Variants in EIF2D observed in about 807,000 individuals in gnomAD.
EIF2D encodes the protein hepatocellular carcinoma-associated antigen 56.
Under a neutral mutation model 77.4 loss-of-function variants are expected in EIF2D, and 56 were observed. The observed-to-expected ratio is 0.72, with a 90% CI of 0.58 to 0.90. EIF2D has a LOEUF of 0.90. Ranked by LOEUF, EIF2D falls within the 40% of genes least tolerant of loss-of-function variation. The pLI, the probability that EIF2D is intolerant of heterozygous loss-of-function variation, is 0.00. For synonymous variants in EIF2D, 230 were observed against 271.0 expected (o/e 0.85, Z 1.49); for missense variants, 574 against 706.5 (o/e 0.81, Z 2.13).
chr1:206,574,853 C>CTTTTTT (rs71570015), intron 4 of EIF2D, among the ~76,000 whole-genome samples: 19 of 86,106 alleles, frequency 2.2e-4, no homozygotes, highest in Middle Eastern at 7.7e-3. Flanking sequence ...GGACCAATGA[C>CTTTTTT]TTTTTTTTTT....
At chr1:206,573,650 G>A (rs1474570582) in intron 4 of EIF2D, among the ~76,000 whole-genome samples, 1 of 152,234 alleles carries the variant, frequency 6.6e-6, no homozygotes, top group Non-Finnish European at 1.5e-5. Flanking sequence ...AGCAGTGGAT[G>A]TAAGTCATTA....
At position 206,576,685 on chromosome 1, in the gene EIF2D, T is replaced by C. The variant is rs529969778; in HGVS notation, c.*255-3986A>G. Among the ~76,000 whole-genome samples, 14 of 152,204 alleles carry C rather than the reference T, an allele frequency of 9.2e-5. No individual in the cohort carries two copies. In the South Asian group the frequency reaches 2.7e-3, roughly 29 times the overall value. On this transcript the variant is annotated intron_variant and NMD_transcript_variant, in intron 4 of 5. Transcript: ENST00000472709. Reference sequence around the variant, plus strand: ...GAGAGATGGCTATAGACTGGAGAAATTGCATTGGGAAACTACATAGAGAAG... The same window carrying C: ...GAGAGATGGCTATAGACTGGAGAAACTGCATTGGGAAACTACATAGAGAAG...
chr1:206,583,510 C>A (rs904346612), intron 2 of EIF2D: 2 of 667,080 alleles, frequency 3.0e-6, no homozygotes, highest in African/African-American at 1.8e-5. Context: ...CCTCCAGAGG[C>A]CTCCGGGGTC....
chr1:206,570,890 G>A (rs559115601), downstream of EIF2D, among the ~76,000 whole-genome samples: 1 of 152,196 alleles, frequency 6.6e-6, no homozygotes, highest in East Asian at 1.9e-4. Context: ...GCAAACCTGG[G>A]TGTTCAAATA....
chr1:206,584,386 G>C lies in EIF2D; in HGVS notation c.139-3224C>G. 1 of 1,608,790 alleles carries C rather than the reference G, an allele frequency of 6.2e-7. No individual in the cohort carries two copies. Among genetic ancestry groups the C allele is most frequent in the Non-Finnish European group, 8.5e-7 (1 of 1,176,610 alleles). ...CCCCTGTGACATGCCCCCGCTGGCA[G>C]AGTGAAGACGGCACCTACACGGGTT... On this transcript the variant is annotated intron_variant and NMD_transcript_variant, in intron 2 of 5. Coordinates refer to the EIF2D transcript ENST00000472709. The surrounding 1 kb of genome is among the most constrained non-coding windows in gnomAD (Gnocchi z 4.9).
chr1:206,606,049 G>T (rs1347044332), intron 4 of EIF2D, among the ~76,000 whole-genome samples: 1 of 152,120 alleles, frequency 6.6e-6, no homozygotes, highest in East Asian at 1.9e-4. Flanking sequence ...TCTAAGAACT[G>T]GATGTTTCCA....
chr1:206,599,947 G>A lies in EIF2D; in HGVS notation c.949-111C>T, dbSNP rs1669839643. On this transcript the variant is annotated intron_variant, in intron 8 of 14. Coordinates refer to ENST00000271764, the MANE Select transcript of EIF2D (RefSeq NM_006893.3). This position sits in a 1 kb window ranked among gnomAD's most constrained non-coding sequence, Gnocchi z 4.1. ...AGGGACTGTGCAGGGATATGAGACA[G>A]CCCCTGCCTTCATCAACCAGGAACT... 1.9e-6 allele frequency: 2 copies of A among 1,036,016 alleles called. No homozygotes were observed. Among genetic ancestry groups the A allele is most frequent in the South Asian group, 3.0e-5 (2 of 65,668 alleles). The allele number at this position is 1,036,016 out of a possible 1,614,324, so 64.2% of individuals were successfully genotyped here.
At chr1:206,608,790 G>T (rs1553413227) in intron 3 of EIF2D, among the ~76,000 whole-genome samples, 1 of 152,226 alleles carries the variant, frequency 6.6e-6, no homozygotes, top group East Asian at 1.9e-4. Context: ...GGTGGCTCAC[G>T]CCTGTAATCC....
chr1:206,607,405 G>C (rs551130085), intron 4 of EIF2D, among the ~76,000 whole-genome samples: 1 of 152,260 alleles, frequency 6.6e-6, no homozygotes, highest in Admixed American at 6.5e-5. Context: ...AAAGATTGTG[G>C]GGTAAGGGAG....
At position 206,592,507 on chromosome 1, in the gene EIF2D, G is replaced by C. The variant is rs1458520608; in HGVS notation, c.1685-662C>G. ...GGGGATAGCCCAGGCGGAAGCACAT[G>C]TGGGTGAACATGCAAGGAGAATCTG... On this transcript the variant is annotated intron_variant, in intron 14 of 14. Transcript: ENST00000271764. This position sits in a 1 kb window ranked among gnomAD's most constrained non-coding sequence, Gnocchi z 4.7. Among the ~76,000 whole-genome samples, 1 of 152,214 alleles carries C rather than the reference G, an allele frequency of 6.6e-6. No homozygotes were observed. The highest frequency in any genetic ancestry group is 1.5e-5 in the Non-Finnish European group (1 of 68,030).
chr1:206,584,947 T>C lies in EIF2D; in HGVS notation c.139-3785A>G. The C allele has an allele frequency of 1.6e-6, 1 of 606,120 alleles. No individual in the cohort carries two copies. The highest frequency in any genetic ancestry group is 2.7e-5 in the East Asian group (1 of 36,476). The allele number at this position is 606,120 out of a possible 1,614,324, so 37.5% of individuals were successfully genotyped here. A position where few individuals can be genotyped will look rare whatever the true frequency, so the allele number is the denominator to read the frequency against. On this transcript the variant is annotated intron_variant and NMD_transcript_variant, in intron 2 of 5. Coordinates refer to the EIF2D transcript ENST00000472709. This position sits in a 1 kb window ranked among gnomAD's most constrained non-coding sequence, Gnocchi z 4.9. ...GCAATGGGAGGAATCTGCCCCACCA[T>C]TCCTAATCTTTCAGGAGATGATGTG...
chr1:206,582,207 C>T (rs1264811267), intron 2 of EIF2D, among the ~76,000 whole-genome samples: 3 of 152,150 alleles, frequency 2.0e-5, no homozygotes, highest in Admixed American at 1.3e-4. Flanking sequence ...ACAGTGGCTT[C>T]GACCCCAGAA....
At position 206,612,317 on chromosome 1, in the gene EIF2D, T is replaced by C. The variant is rs781828539; in HGVS notation, c.26A>G (p.Lys9Arg). ...CGACCCCTTGATGGCCGTGTTGGAC[T>C]TGACCCGAAAGGCCTTGGCAAACAT... Reference protein sequence around the residue: MFAKAFRVKSNTAIKGSDR... With the variant: MFAKAFRVRSNTAIKGSDR... The change falls in exon 1 of 15, where the codon AAG (lysine) becomes AGG (arginine). Residue 9 changes from lysine to arginine, a missense_variant. Coordinates refer to ENST00000271764, the MANE Select transcript of EIF2D (RefSeq NM_006893.3). The C allele has an allele frequency of 6.2e-7, 1 of 1,614,258 alleles. No homozygotes were observed.
Position 206,597,143 on chromosome 1 carries a change from GT to G in EIF2D, c.1344del (p.Glu448AspfsTer6). 1 of 1,614,074 alleles carries G rather than the reference GT, an allele frequency of 6.2e-7. No homozygotes were observed. Among genetic ancestry groups the G allele is most frequent in the Non-Finnish European group, 8.5e-7 (1 of 1,179,978 alleles). On this transcript the variant is annotated frameshift_variant, in exon 12 of 15. Transcript: ENST00000271764. LOFTEE classifies it high-confidence loss of function. ...CATGGAAGCTTCATGACTGTATGCT[GT>G]TCATTTTTCTCTAAGATGCAGTCAC... ...ILCDCILEKN[E>X]QHTVMKLPWD...
In EIF2D at chr1:206,605,450, G is replaced by A. The variant is rs145475186; in HGVS notation, c.480C>T (p.Gly160=). 1.6e-4 allele frequency: 260 copies of A among 1,614,086 alleles called. No individual in the cohort carries two copies. The African/African-American group carries it at 3.1e-3, about 19-fold the overall frequency. The change falls in exon 5 of 15, where the codon GGC becomes GGT. Residue 160 remains glycine, a synonymous_variant. Transcript: ENST00000271764. ...GCACAGAGAAGCCCCTTCCCTTCAG[G>A]CCTGACGTGAGCATCTCAGCTGTGG... The part of the protein sequence containing the change: ...AMSTAEMLTS[G]LKGRGFSVLH...
intron 4 of EIF2D, among the ~76,000 whole-genome samples, chr1:206,578,707 C>T (rs1189363766): frequency 4.6e-5 from 7 of 152,184 alleles, no homozygotes; most frequent in Non-Finnish European, 1.0e-4. Flanking sequence ...ACGTCCTCCT[C>T]AGCCCACCCT....
At chr1:206,597,005 CA>C in intron 12 of EIF2D, 94 bp downstream of exon 12, 1 of 923,330 alleles carries the variant, frequency 1.1e-6, no homozygotes, top group Non-Finnish European at 1.7e-6. Context: ...GAAAGAAAAT[CA>C]AAGGCTAAGA....
At chr1:206,608,406 C>G in intron 3 of EIF2D, 80 bp from the exon 4 acceptor site, 1 of 1,191,982 alleles carries the variant, frequency 8.4e-7, no homozygotes, top group East Asian at 2.7e-5. Context: ...TCCTCACTCG[C>G]TCAACAAAAA....
intron 4 of EIF2D, among the ~76,000 whole-genome samples, chr1:206,606,397 A>T (rs1670204170): frequency 6.6e-6 from 1 of 152,206 alleles, no homozygotes; most frequent in South Asian, 2.1e-4. Flanking sequence ...ATGGCTTGAG[A>T]ACTCCAGTCT....
Sources: allele counts gnomAD v4.1 joint callset (sites outside exome capture counted in the v4.1 genomes callset), GRCh38; gene constraint gnomAD v4.1.1; non-coding constraint Gnocchi (gnomAD v3.1); transcripts MANE v1.5; gene names NCBI Gene and HGNC (gene_info 2026-07-23, HGNC 2026-07-21).